DOLPP1: variants seen among roughly 807,000 people sequenced by gnomAD.
DOLPP1 encodes the protein dolichyl pyrophosphate phosphatase 1.
DOLPP1 carries 15 observed loss-of-function variants against 34.1 expected under a neutral mutation model. That is an observed-to-expected ratio of 0.44 (90% CI 0.29 to 0.68). DOLPP1 has a LOEUF of 0.68. Among genes scored for constraint, DOLPP1 ranks in the 30% least tolerant of loss-of-function variants. The pLI, the probability that DOLPP1 is intolerant of heterozygous loss-of-function variation, is 0.12. For missense variants in DOLPP1, 249 were observed against 307.1 expected, an observed-to-expected ratio of 0.81 and a Z score of 1.41; for synonymous variants, 130 against 128.2, an observed-to-expected ratio of 1.01 and a Z score of -0.10.
At chr9:129,084,506 G>A in intron 1 of DOLPP1, 162 bp from the exon 2 acceptor site, 2 of 707,284 alleles carry the variant, frequency 2.8e-6, no homozygotes, top group Admixed American at 1.9e-5. Context: ...CTGTGACTGA[G>A]TTGGCACAAT....
At chr9:129,081,443 G>T (rs1041960405) in intron 1 of DOLPP1, among the ~76,000 whole-genome samples, 3 of 152,150 alleles carry the variant, frequency 2.0e-5, no homozygotes, top group Admixed American at 6.5e-5. Flanking sequence ...GCGCGGCCAG[G>T]GCGCTCCCCC....
chr9:129,081,162 G>T lies in DOLPP1; in HGVS notation c.31G>T (p.Ala11Ser), dbSNP rs776850557. Reference sequence around the variant, plus strand: ...AGCGGACGGACAGTGCTCGCTCCCCGCTTCATGGCGGCCGGTGACCCTCAC... The same window carrying T: ...AGCGGACGGACAGTGCTCGCTCCCCTCTTCATGGCGGCCGGTGACCCTCAC... Reference protein sequence around the residue: MAADGQCSLPASWRPVTLTHV... With the variant: MAADGQCSLPSSWRPVTLTHV... Residue 11 changes from alanine (A) to serine (S), a missense_variant, in exon 1 of 8, where the codon GCT (alanine) becomes TCT (serine). By Grantham distance (99) the Ala-to-Ser change is moderately conservative. Coordinates refer to ENST00000372546, the MANE Select transcript of DOLPP1 (RefSeq NM_020438.5). 2.5e-6 allele frequency: 4 copies of T among 1,609,720 alleles called. No homozygotes were observed. Among genetic ancestry groups the T allele is most frequent in the African/African-American group, 2.7e-5 (2 of 74,770 alleles).
chr9:129,087,848 G>A (rs1040723694), intron 7 of DOLPP1, among the ~76,000 whole-genome samples: 1 of 151,938 alleles, frequency 6.6e-6, no homozygotes, highest in African/African-American at 2.4e-5. Flanking sequence ...TCCTATTAGA[G>A]GCAGAAAGGT....
chr9:129,088,994 C>T lies in DOLPP1; in HGVS notation c.704C>T (p.Thr235Met), dbSNP rs1035388655. Residue 235 changes from threonine (T) to methionine (M), a missense_variant, in exon 8 of 8, where the codon ACG becomes ATG. By Grantham distance (81) the Thr-to-Met change is moderately conservative. Coordinates refer to ENST00000372546, the MANE Select transcript of DOLPP1 (RefSeq NM_020438.5). ...EARNRQRKLG[T>M]KLQ ...AGGAACAGACAACGCAAGCTGGGGA[C>T]GAAACTGCAGTGACCAGTGGGTGTG... 5.0e-6 allele frequency: 8 copies of T among 1,613,790 alleles called. No homozygotes were observed. The highest frequency in any genetic ancestry group is 1.6e-4 in the Middle Eastern group (1 of 6,082).
chr9:129,085,575 C>T lies in DOLPP1; in HGVS notation c.420C>T (p.Ser140=). 1 of 1,613,514 alleles carries T rather than the reference C, an allele frequency of 6.2e-7. No individual in the cohort carries two copies. The highest frequency in any genetic ancestry group is 1.3e-5 in the African/African-American group (1 of 75,012). The change falls in exon 5 of 8, where the codon TCC becomes TCT. Residue 140 remains serine (S), a synonymous_variant. Coordinates refer to ENST00000372546, the MANE Select transcript of DOLPP1 (RefSeq NM_020438.5). This position sits in a 1 kb window ranked among gnomAD's most constrained non-coding sequence, Gnocchi z 7.0. ...FLDLLWRHVL[S]LGLLAVAFLV... is the part of the protein sequence containing the mutation. The stretch of plus-strand genomic sequence containing the variant: ...ACTTGCTGTGGAGGCACGTGCTCTC[C>T]CTGGGACTCCTCGCTGTGGCCTTCC...
chr9:129,088,580 A>G (rs1426096470), intron 7 of DOLPP1, among the ~76,000 whole-genome samples: 1 of 152,056 alleles, frequency 6.6e-6, no homozygotes, highest in Non-Finnish European at 1.5e-5. Flanking sequence ...GGAGCTCACT[A>G]CATTTCTGTA....
rs1846959060 is a variant in DOLPP1, at chr9:129,084,921, C to T, written c.178-102C>T. 2.9e-6 allele frequency: 4 copies of T among 1,375,456 alleles called. No homozygotes were observed. The African/African-American group carries it at 4.3e-5, about 15-fold the overall frequency. 85.2% of individuals were successfully genotyped at this position (1,375,456 alleles called of 1,614,324 possible). A position where few individuals can be genotyped will look rare whatever the true frequency, so the allele number is the denominator to read the frequency against. ...CTCCTGGCTGGTTCTAGGTTACTCA[C>T]CTGTTGGGCTGGGAGGTTCAGTCAG... On this transcript the variant is annotated intron_variant, in intron 2 of 7. Transcript: ENST00000372546.
chr9:129,088,161 G>T (rs1847028856), intron 7 of DOLPP1, among the ~76,000 whole-genome samples: 1 of 128,924 alleles, frequency 7.8e-6, no homozygotes, highest in African/African-American at 2.8e-5. Context: ...GGGATGGGGG[G>T]ATGGGGAGGG....
Position 129,085,329 on chromosome 9 carries a change from A to T in DOLPP1, c.362+23A>T. 1 of 1,606,926 alleles carries T rather than the reference A, an allele frequency of 6.2e-7. No homozygotes were observed. Among genetic ancestry groups the T allele is most frequent in the Non-Finnish European group, 8.5e-7 (1 of 1,173,692 alleles). On this transcript the variant is annotated intron_variant, in intron 4 of 7. Transcript: ENST00000372546. This position sits in a 1 kb window ranked among gnomAD's most constrained non-coding sequence, Gnocchi z 7.0. ...AAGGTGAGTTTCCACCCCGGTCAGG[A>T]TGGCCCTGAACTTGCTCAGGCCGAG...
chr9:129,081,114 G>A lies in DOLPP1; in HGVS notation c.-18G>A, dbSNP rs369707530. On this transcript the variant is annotated 5_prime_UTR_variant, in exon 1 of 8. Coordinates refer to ENST00000372546, the MANE Select transcript of DOLPP1 (RefSeq NM_020438.5). ...GGCTCCCCATTGGCTGCTCGAAGAA[G>A]CCCGGTCTCCGGGTAAGATGGCAGC... is the stretch of plus-strand genomic sequence containing the variant. 3.1e-6 allele frequency: 5 copies of A among 1,604,652 alleles called. No individual in the cohort carries two copies. The highest frequency in any genetic ancestry group is 4.2e-6 in the Non-Finnish European group (5 of 1,178,580).
rs192498373 is a variant in DOLPP1 at position 129,090,354 on chromosome 9, C to G, written c.*1347C>G. ...TTTATTTTTTACTTTTTGCCTGAGA[C>G]AAGCCGAGTATGAGGTGGTTTGATT... On this transcript the variant is annotated 3_prime_UTR_variant, in exon 8 of 8. Coordinates refer to ENST00000372546, the MANE Select transcript of DOLPP1 (RefSeq NM_020438.5). 2.1e-4 allele frequency: 32 copies of G among 152,694 alleles called. No homozygotes were observed. The highest frequency in any genetic ancestry group is 7.2e-4 in the African/African-American group (30 of 41,556). The allele number at this position is 152,694 out of a possible 1,614,324, so 9.5% of individuals were successfully genotyped here.
intron 1 of DOLPP1, among the ~76,000 whole-genome samples, chr9:129,082,526 C>T (rs1192195939): frequency 1.3e-5 from 2 of 152,212 alleles, no homozygotes; most frequent in Non-Finnish European, 2.9e-5. Context: ...TTGCTAAGGC[C>T]TCTGCACCTT....
At position 129,085,494 on chromosome 9, in the gene DOLPP1, C is replaced by A. The variant is rs761184448; in HGVS notation, c.363-24C>A. 25 of 1,609,842 alleles carry A rather than the reference C, an allele frequency of 1.6e-5. No individual in the cohort carries two copies. In the East Asian group the frequency reaches 4.9e-4, roughly 32 times the overall value. On this transcript the variant is annotated intron_variant, in intron 4 of 7. Transcript: ENST00000372546. This position sits in a 1 kb window ranked among gnomAD's most constrained non-coding sequence, Gnocchi z 7.0. The stretch of plus-strand genomic sequence containing the variant: ...CCTGGGCTGGGCTGTGGGCTGAGGT[C>A]ATCTGGTGGGCCTGTTTTCGCAGAA...
In DOLPP1 at chr9:129,085,394, G is replaced by A; in HGVS notation, c.362+88G>A. On this transcript the variant is annotated intron_variant, in intron 4 of 7. Transcript: ENST00000372546. The surrounding 1 kb of genome is among the most constrained non-coding windows in gnomAD (Gnocchi z 7.0). ...CACTGCTAGCCCTTTGGATGCCCCT[G>A]GGGTGGGAGGGGCTGCAGCGGAGGC... is the stretch of plus-strand genomic sequence containing the variant. 1.3e-6 allele frequency: 2 copies of A among 1,504,690 alleles called. No individual in the cohort carries two copies. Among genetic ancestry groups the A allele is most frequent in the Non-Finnish European group, 1.8e-6 (2 of 1,083,068 alleles). 93.2% of individuals were successfully genotyped at this position (1,504,690 alleles called of 1,614,324 possible). A position where few individuals can be genotyped will look rare whatever the true frequency, so the allele number is the denominator to read the frequency against.
Position 129,089,050 on chromosome 9 carries a change from C to T in DOLPP1, c.*43C>T, listed in dbSNP as rs760009677. ...GTCCAGCCTCCAGATCTGGCCCGCA[C>T]GATGCCTTGCAGGATGGACAGGATG... On this transcript the variant is annotated 3_prime_UTR_variant, in exon 8 of 8. Coordinates refer to ENST00000372546, the MANE Select transcript of DOLPP1 (RefSeq NM_020438.5). The surrounding 1 kb of genome is among the most constrained non-coding windows in gnomAD (Gnocchi z 4.9). 9 of 1,604,954 alleles carry T rather than the reference C, an allele frequency of 5.6e-6. No homozygotes were observed. Among genetic ancestry groups the T allele is most frequent in the South Asian group, 5.5e-5 (5 of 90,888 alleles).
At position 129,085,144 on chromosome 9, in the gene DOLPP1, G is replaced by C; in HGVS notation, c.262+37G>C. 1 of 1,609,870 alleles carries C rather than the reference G, an allele frequency of 6.2e-7. No homozygotes were observed. The highest frequency in any genetic ancestry group is 8.5e-7 in the Non-Finnish European group (1 of 1,177,760). On this transcript the variant is annotated intron_variant, in intron 3 of 7. Coordinates refer to ENST00000372546, the MANE Select transcript of DOLPP1 (RefSeq NM_020438.5). The surrounding 1 kb of genome is among the most constrained non-coding windows in gnomAD (Gnocchi z 7.0). ...GCTGCGAGGGCCTGAGGTTCCCCCAGGTTGGGGCGTTACTGGGAGGTCTGC... is the reference window on the plus strand; with the variant it reads ...GCTGCGAGGGCCTGAGGTTCCCCCACGTTGGGGCGTTACTGGGAGGTCTGC...
chr9:129,081,307 C>G, intron 1 of DOLPP1, 100 bp downstream of exon 1: 3 of 1,464,340 alleles, frequency 2.0e-6, no homozygotes, highest in African/African-American at 1.4e-5. Flanking sequence ...CGCCGGGGGA[C>G]CGGGGTGGGA....
chr9:129,083,879 C>T (rs904036474), intron 1 of DOLPP1, among the ~76,000 whole-genome samples: 7 of 152,178 alleles, frequency 4.6e-5, no homozygotes, highest in Admixed American at 4.6e-4. Flanking sequence ...ACATAGCTGC[C>T]TGTCTCAAGT....
chr9:129,086,025 G>T, intron 5 of DOLPP1, 114 bp from the exon 6 acceptor site: 1 of 1,037,140 alleles, frequency 9.6e-7, no homozygotes, highest in Non-Finnish European at 1.4e-6. Flanking sequence ...TGTCCTGTCT[G>T]TGTCTCCACA....
Sources: allele counts gnomAD v4.1 joint callset (sites outside exome capture counted in the v4.1 genomes callset), GRCh38; gene constraint gnomAD v4.1.1; non-coding constraint Gnocchi (gnomAD v3.1); transcripts MANE v1.5; gene names NCBI Gene and HGNC (gene_info 2026-07-23, HGNC 2026-07-21).